Variants in VPS13A observed in about 807,000 individuals in gnomAD.
The protein encoded by VPS13A is vacuolar protein sorting 13 homolog A.
A neutral mutation model predicts 390.9 loss-of-function variants in VPS13A; 264 were observed. The observed-to-expected ratio is 0.68, with a 90% confidence interval of 0.61 to 0.75. The LOEUF is 0.75. Ranked by LOEUF, VPS13A falls within the 30% of genes least tolerant of loss-of-function variation. The pLI is 0.00. For synonymous variants in VPS13A, 1,231 were observed against 1,227.1 expected (o/e 1.00, Z -0.07); for missense variants, 3,409 against 3,733.9 (o/e 0.91, Z 2.27).
chr9:77,394,871 C>T (rs760065367), intron 68 of VPS13A, among the ~76,000 whole-genome samples: 1 of 152,194 alleles, frequency 6.6e-6, no homozygotes, highest in African/African-American at 2.4e-5. Context: ...TCTGCAGCTT[C>T]CTCACCTCTC....
At chr9:77,195,464 C>A (rs1012131895) in intron 1 of VPS13A, among the ~76,000 whole-genome samples, 3 of 152,064 alleles carry the variant, frequency 2.0e-5, no homozygotes, top group African/African-American at 7.2e-5. Context: ...TGTCCCGGTG[C>A]AGTGGCTCAC....
intron 19 of VPS13A, among the ~76,000 whole-genome samples, chr9:77,243,033 C>G (rs1824598710): frequency 6.6e-6 from 1 of 151,646 alleles, no homozygotes; most frequent in Non-Finnish European, 1.5e-5. Context: ...TGGATTTTTT[C>G]TAGAAAGTTA....
chr9:77,411,660 C>CAAAAAA (rs1169254413), intron 71 of VPS13A, among the ~76,000 whole-genome samples: 2,508 of 33,838 alleles, frequency 0.074, 293 homozygotes, highest in East Asian at 0.14. Flanking sequence ...AACTCCATCT[C>CAAAAAA]AAAAAAAAAA....
Position 77,371,087 on chromosome 9 carries a change from G to A in VPS13A, c.9015G>A (p.Ala3005=), listed in dbSNP as rs762058561. The A allele has an allele frequency of 5.6e-6, 9 of 1,613,944 alleles. No homozygotes were observed. The highest frequency in any genetic ancestry group is 1.1e-5 in the South Asian group (1 of 91,080). Residue 3005 remains alanine (A), a synonymous_variant, in exon 67 of 72, where the codon GCG becomes GCA. Coordinates refer to ENST00000360280, the MANE Select transcript of VPS13A (RefSeq NM_033305.3). ...GTGTTGGGAAAGGTTTAGTAGGAGC[G>A]GTAGCAAGGCCAACTGGAGGCATCA... ...FKGVGKGLVG[A]VARPTGGIID... is the part of the protein sequence containing the mutation.
intron 23 of VPS13A, among the ~76,000 whole-genome samples, chr9:77,269,805 T>C (rs1161512440): frequency 6.6e-6 from 1 of 152,248 alleles, no homozygotes; most frequent in African/African-American, 2.4e-5. Flanking sequence ...CTAATTCTGC[T>C]ATTTCACATT....
In VPS13A at chr9:77,210,642, A is replaced by G. The variant is rs1259170488; in HGVS notation, c.522A>G (p.Ser174=). ...DDITNRDKPL[S]FGISLQNLSM... ...TCACAAATCGGGACAAACCGCTGTC[A>G]TTTGGTATTTCCCTTCAAAATCTGA... Residue 174 remains serine (S), a synonymous_variant, in exon 7 of 72, where the codon TCA becomes TCG. Coordinates refer to ENST00000360280, the MANE Select transcript of VPS13A (RefSeq NM_033305.3). The G allele has an allele frequency of 6.2e-7, 1 of 1,613,906 alleles. No individual in the cohort carries two copies. Among genetic ancestry groups the G allele is most frequent in the Non-Finnish European group, 8.5e-7 (1 of 1,179,988 alleles).
intron 13 of VPS13A, 74 bp downstream of exon 13, chr9:77,221,430 C>G: frequency 2.0e-6 from 3 of 1,500,260 alleles, no homozygotes; most frequent in Non-Finnish European, 2.8e-6. Context: ...GACTGATACT[C>G]CCTACCTTTC....
intron 33 of VPS13A, among the ~76,000 whole-genome samples, chr9:77,296,796 T>C (rs1489632637): frequency 2.0e-5 from 3 of 152,206 alleles, no homozygotes; most frequent in African/African-American, 7.2e-5. Flanking sequence ...TCTTAGAGTT[T>C]GCTTGTGGGA....
intron 39 of VPS13A, among the ~76,000 whole-genome samples, chr9:77,317,070 A>G (rs1042934667): frequency 1.3e-5 from 2 of 152,018 alleles, no homozygotes; most frequent in African/African-American, 2.4e-5. Context: ...GATGCTTGGT[A>G]TGCATCTATA....
chr9:77,352,728 A>G (rs1176171929), intron 53 of VPS13A, among the ~76,000 whole-genome samples: 1 of 152,152 alleles, frequency 6.6e-6, no homozygotes, highest in Non-Finnish European at 1.5e-5. Context: ...AAGTAAGGTA[A>G]GTATCCCCAG....
At chr9:77,336,934 C>T (rs911730529) in intron 46 of VPS13A, among the ~76,000 whole-genome samples, 3 of 150,372 alleles carry the variant, frequency 2.0e-5, no homozygotes, top group African/African-American at 7.3e-5. Context: ...GTAGCTGGGA[C>T]TACAGGCGCC....
At position 77,295,064 on chromosome 9, in the gene VPS13A, C is replaced by T. The variant is rs1189036100; in HGVS notation, c.3508-478C>T. The stretch of plus-strand genomic sequence containing the variant: ...CTAAAATGTTAATTTTTTCTTTGAA[C>T]ATGAAAATTAGGTATAAGAGTATAA... On this transcript the variant is annotated intron_variant, in intron 32 of 71. Transcript: ENST00000360280. 2.0e-5 allele frequency among the ~76,000 whole-genome samples: 3 copies of T among 151,738 alleles called. No homozygotes were observed. In the East Asian group the frequency reaches 5.8e-4, roughly 29 times the overall value.
At chr9:77,265,779 G>T (rs189369604) in intron 23 of VPS13A, among the ~76,000 whole-genome samples, 2 of 152,084 alleles carry the variant, frequency 1.3e-5, no homozygotes, top group South Asian at 2.1e-4. Context: ...AGGGTTTTTC[G>T]TGTCTCTATC....
chr9:77,360,621 G>T lies in VPS13A; in HGVS notation c.8191G>T (p.Glu2731Ter). 1 of 1,612,182 alleles carries T rather than the reference G, an allele frequency of 6.2e-7. No homozygotes were observed. The highest frequency in any genetic ancestry group is 8.5e-7 in the Non-Finnish European group (1 of 1,178,592). ...TTTAACAGACCTTATGACAGAAGCTGAGGTGACTGAAAATACAGAGGTAAG... is the reference window on the plus strand; with the variant it reads ...TTTAACAGACCTTATGACAGAAGCTTAGGTGACTGAAAATACAGAGGTAAG... ...YALTDLMTEA[E>*]VTENTEVELF... Residue 2731 changes from glutamate (E) to a stop codon, truncating the protein, a stop_gained, in exon 59 of 72, where the codon GAG becomes TAG. Coordinates refer to ENST00000360280, the MANE Select transcript of VPS13A (RefSeq NM_033305.3). LOFTEE classifies it high-confidence loss of function.
chr9:77,295,846 G>C lies in VPS13A; in HGVS notation c.3812G>C (p.Arg1271Thr), dbSNP rs1460072830. ...AAGCTGAGTGAAATGCGACTATACA[G>C]GTAAGCTTTTCACAAGTATATTTGT... is the stretch of plus-strand genomic sequence containing the variant. ...TIKLSEMRLY[R>T]SRFINDAYQE... The change falls in exon 33 of 72, where the codon AGA (arginine) becomes ACA (threonine). Residue 1271 changes from arginine (R) to threonine (T), a missense_variant and splice_region_variant. Coordinates refer to ENST00000360280, the MANE Select transcript of VPS13A (RefSeq NM_033305.3). 1.2e-6 allele frequency: 2 copies of C among 1,613,172 alleles called. No homozygotes were observed. Among genetic ancestry groups the C allele is most frequent in the African/African-American group, 2.7e-5 (2 of 75,000 alleles).
rs532859613 is a variant in VPS13A, at chr9:77,419,360, T to G, written c.*3354T>G. The G allele has an allele frequency of 7.2e-5, 11 of 152,312 alleles. No individual in the cohort carries two copies. The South Asian group carries it at 2.3e-3, about 32-fold the overall frequency. The allele number at this position is 152,312 out of a possible 1,614,324, so 9.4% of individuals were successfully genotyped here. ...ATACTGTTTCAGCTAAATATTCTAT[T>G]TACTGTGTATACTGGGTCACAATAT... On this transcript the variant is annotated 3_prime_UTR_variant, in exon 72 of 72. Coordinates refer to ENST00000360280, the MANE Select transcript of VPS13A (RefSeq NM_033305.3).
chr9:77,264,844 G>A (rs1417987569), intron 23 of VPS13A, among the ~76,000 whole-genome samples: 2 of 152,194 alleles, frequency 1.3e-5, no homozygotes, highest in Non-Finnish European at 2.9e-5. Context: ...TTGAATAGGA[G>A]TGGTGAGAGA....
intron 70 of VPS13A, among the ~76,000 whole-genome samples, chr9:77,407,106 A>G (rs1224795541): frequency 2.0e-5 from 3 of 152,184 alleles, no homozygotes; most frequent in African/African-American, 7.2e-5. Flanking sequence ...CATACAATAT[A>G]TGTATGTGTT....
At chr9:77,302,772 A>AT (rs1385822167) in intron 33 of VPS13A, 143 bp from the exon 34 acceptor site, 3 of 847,552 alleles carry the variant, frequency 3.5e-6, no homozygotes, top group Non-Finnish European at 5.4e-6. Flanking sequence ...ATAAAAAAAA[A>AT]GTCTGATAGA....
Sources: gnomAD v4.1 joint callset for allele counts (sites outside exome capture counted in the v4.1 genomes callset) on GRCh38, gnomAD v4.1.1 for gene constraint, MANE v1.5 for transcripts, NCBI Gene and HGNC (gene_info 2026-07-23, HGNC 2026-07-21) for gene names.